Variants in CRB1 observed in about 807,000 individuals in gnomAD.
CRB1 encodes crumbs cell polarity complex component 1.
In CRB1, 83 loss-of-function variants were observed where a neutral mutation model predicts 120.0. That is an observed-to-expected ratio of 0.69 (90% CI 0.58 to 0.83). The LOEUF is 0.83. Ranked by LOEUF, CRB1 falls within the 40% of genes least tolerant of loss-of-function variation. The probability of loss-of-function intolerance (pLI) is 0.00; values close to 1 mark genes in which losing one functional copy is unlikely to be tolerated. For missense variants in CRB1, 1,699 were observed against 1,687.6 expected (o/e 1.01, Z -0.12); for synonymous variants, 625 against 612.5 (o/e 1.02, Z -0.30).
At chr1:197,206,463 G>T in the CRB1 span, among the ~76,000 whole-genome samples, 1,195 of 152,088 alleles carry the variant, frequency 7.9e-3, 14 homozygotes, top group African/African-American at 0.024. Context: ...CACTGTTATT[G>T]TTCAGTTCAG....
chr1:197,406,548 C>T lies in CRB1; in HGVS notation c.1172-14452C>T, dbSNP rs568628786. ...TGTGACCCTGCCAAATCCCCCTCTGCGAGAAACACCCAAGAATGATCAATA... is the reference window on the plus strand; with the variant it reads ...TGTGACCCTGCCAAATCCCCCTCTGTGAGAAACACCCAAGAATGATCAATA... On this transcript the variant is annotated intron_variant, in intron 5 of 11. Coordinates refer to ENST00000367400, the MANE Select transcript of CRB1 (RefSeq NM_201253.3). 2.0e-4 allele frequency among the ~76,000 whole-genome samples: 31 copies of T among 151,570 alleles called. No homozygotes were observed. The East Asian group carries it at 4.8e-3, about 24-fold the overall frequency.
At chr1:197,283,053 A>G (rs1231987099) in intron 1 of CRB1, among the ~76,000 whole-genome samples, 2 of 151,812 alleles carry the variant, frequency 1.3e-5, no homozygotes, top group African/African-American at 4.8e-5. Context: ...GGAAGGGGGA[A>G]AGAATCTCAA....
chr1:197,357,067 C>A (rs759432812), intron 5 of CRB1, 54 bp downstream of exon 5: 1 of 1,561,780 alleles, frequency 6.4e-7, no homozygotes, highest in South Asian at 1.1e-5. Context: ...TATGGCAGAC[C>A]ATGGCTTTAA....
chr1:197,271,195 T>C (rs1571740871), intron 1 of CRB1, among the ~76,000 whole-genome samples: 1 of 152,220 alleles, frequency 6.6e-6, no homozygotes, highest in Admixed American at 6.5e-5. Flanking sequence ...CTACACCCTG[T>C]CTCAAGAAAT....
intron 5 of CRB1, among the ~76,000 whole-genome samples, chr1:197,392,277 ATATATATATAATTTC>A (rs1298849896): frequency 6.6e-6 from 1 of 151,932 alleles, no homozygotes; most frequent in African/African-American, 2.4e-5. Flanking sequence ...ACACACACAC[ATATATATATAATTTC>A]CTTCTTTAAA....
chr1:197,319,168 A>G (rs904374223), intron 1 of CRB1, among the ~76,000 whole-genome samples: 1 of 149,394 alleles, frequency 6.7e-6, no homozygotes, highest in Non-Finnish European at 1.5e-5. Flanking sequence ...TGATGGCTTT[A>G]AAAATAGAAG....
At position 197,438,695 on chromosome 1, in the gene CRB1, T is replaced by C. The variant is rs773894869; in HGVS notation, c.3878+20T>C. On this transcript the variant is annotated intron_variant, in intron 10 of 11. Transcript: ENST00000367400. ...AGAATGGTGAGTCACATTAGAGCCTTCTGGAAGAGAATTCTGAGCTAAAGA... is the reference window on the plus strand; with the variant it reads ...AGAATGGTGAGTCACATTAGAGCCTCCTGGAAGAGAATTCTGAGCTAAAGA... The C allele has an allele frequency of 6.2e-7, 1 of 1,610,742 alleles. No homozygotes were observed. Among genetic ancestry groups the C allele is most frequent in the Middle Eastern group, 1.7e-4 (1 of 6,032 alleles).
the CRB1 span, among the ~76,000 whole-genome samples, chr1:197,209,367 T>C: frequency 0.014 from 2,147 of 152,214 alleles, 50 homozygotes; most frequent in African/African-American, 0.046. Context: ...TTTTTTGAGA[T>C]GGAGTCTCGC....
At chr1:197,375,634 T>C (rs1661605476) in intron 5 of CRB1, among the ~76,000 whole-genome samples, 1 of 152,182 alleles carries the variant, frequency 6.6e-6, no homozygotes, top group Non-Finnish European at 1.5e-5. Flanking sequence ...TTCCTGCCTA[T>C]GTTTGGACTA....
chr1:197,415,375 A>G (rs1161365666), intron 5 of CRB1, among the ~76,000 whole-genome samples: 6 of 152,152 alleles, frequency 3.9e-5, no homozygotes, highest in Admixed American at 2.0e-4. Flanking sequence ...CTGTCCAACA[A>G]TTACGTATGA....
At chr1:197,414,958 TCTTCG>T (rs1194026495) in intron 5 of CRB1, among the ~76,000 whole-genome samples, 12 of 152,364 alleles carry the variant, frequency 7.9e-5, no homozygotes, top group Non-Finnish European at 1.5e-4. Flanking sequence ...TGTTTGCTGT[TCTTCG>T]GACTATTGAT....
intron 5 of CRB1, among the ~76,000 whole-genome samples, chr1:197,402,178 G>T (rs1485531656): frequency 6.6e-6 from 1 of 152,014 alleles, no homozygotes; most frequent in Non-Finnish European, 1.5e-5. Flanking sequence ...TAGTTATTTA[G>T]TTATTTTTTT....
intron 5 of CRB1, among the ~76,000 whole-genome samples, chr1:197,387,113 TTTTC>T (rs1480498667): frequency 1.3e-5 from 2 of 152,044 alleles, no homozygotes; most frequent in Non-Finnish European, 2.9e-5. Context: ...AACATAATCT[TTTTC>T]TTTTTTTGAG....
At chr1:197,259,269 G>A in the CRB1 span, among the ~76,000 whole-genome samples, 29,345 of 152,202 alleles carry the variant, frequency 0.19, 3,266 homozygotes, top group Non-Finnish European at 0.26. Flanking sequence ...CAAAGGCATG[G>A]AATCAATCCA....
chr1:197,409,306 A>C (rs1663577570), intron 5 of CRB1, among the ~76,000 whole-genome samples: 1 of 152,234 alleles, frequency 6.6e-6, no homozygotes, highest in African/African-American at 2.4e-5. Flanking sequence ...ACAGTGACCC[A>C]CATAAAAGAG....
In CRB1 at chr1:197,268,261, A is replaced by G. The variant is rs1021846629; in HGVS notation, c.-152A>G. ...CTGCATTTTGAATCTAAGTCCCTGT[A>G]TTTTCTGTGAAGGAGCTGTAAGTAG... On this transcript the variant is annotated 5_prime_UTR_variant, in exon 1 of 12. Transcript: ENST00000367400. 63 of 706,410 alleles carry G rather than the reference A, an allele frequency of 8.9e-5. No individual in the cohort carries two copies. In the African/African-American group the frequency reaches 1.0e-3, roughly 11 times the overall value. The allele number at this position is 706,410 out of a possible 1,614,324, so 43.8% of individuals were successfully genotyped here. A position where few individuals can be genotyped will look rare whatever the true frequency, so the allele number is the denominator to read the frequency against.
intron 11 of CRB1, among the ~76,000 whole-genome samples, chr1:197,452,850 TTTG>T (rs1159181819): frequency 6.6e-6 from 1 of 152,184 alleles, no homozygotes; most frequent in Non-Finnish European, 1.5e-5. Flanking sequence ...TATCATATAA[TTTG>T]TTAACTGTCA....
At chr1:197,387,206 A>G (rs541369024) in intron 5 of CRB1, among the ~76,000 whole-genome samples, 7 of 152,114 alleles carry the variant, frequency 4.6e-5, no homozygotes, top group African/African-American at 1.7e-4. Context: ...TGGTTCAAGC[A>G]ATTCTCCTGC....
At chr1:197,298,464 C>A (rs984134341) in intron 1 of CRB1, among the ~76,000 whole-genome samples, 1 of 152,004 alleles carries the variant, frequency 6.6e-6, no homozygotes, top group Non-Finnish European at 1.5e-5. Context: ...GCGAGAGGAA[C>A]CTTTAAGTAG....
Sources: gnomAD v4.1 joint callset for allele counts (sites outside exome capture counted in the v4.1 genomes callset) on GRCh38, gnomAD v4.1.1 for gene constraint, MANE v1.5 for transcripts, NCBI Gene and HGNC (gene_info 2026-07-23, HGNC 2026-07-21) for gene names.